The following ERC1 variants were observed in gnomAD, a reference collection of about 807,000 sequenced individuals.
ERC1 encodes the protein RAB6 interacting protein 2.
In ERC1, 56 loss-of-function variants were observed where a neutral mutation model predicts 132.0. The ratio of observed to expected loss-of-function variants is 0.42; its 90% CI spans 0.34 to 0.53. The LOEUF is 0.53. Among genes scored for constraint, ERC1 ranks in the 20% least tolerant of loss-of-function variants. The pLI is 0.03. For missense variants in ERC1, 1,202 were observed against 1,349.9 expected (o/e 0.89, Z 1.72); for synonymous variants, 478 against 476.1 (o/e 1.00, Z -0.05).
At chr12:1,384,562 T>C (rs922255805) in intron 16 of ERC1, among the ~76,000 whole-genome samples, 2 of 152,186 alleles carry the variant, frequency 1.3e-5, no homozygotes, top group African/African-American at 4.8e-5. Context: ...AAGAATCAAT[T>C]AATTTGCATA....
At chr12:1,420,449 A>T (rs561650189) in intron 17 of ERC1, among the ~76,000 whole-genome samples, 22 of 149,700 alleles carry the variant, frequency 1.5e-4, no homozygotes, top group African/African-American at 5.2e-4. Context: ...TTTTTATTTT[A>T]TTTATTTATT....
intron 17 of ERC1, among the ~76,000 whole-genome samples, chr12:1,440,364 C>T (rs1220068498): frequency 2.0e-5 from 3 of 149,758 alleles, no homozygotes; most frequent in Non-Finnish European, 3.0e-5. Context: ...GCCACCACGC[C>T]CGGCTAATTT....
intron 18 of ERC1, among the ~76,000 whole-genome samples, chr12:1,469,604 C>G (rs1353695526): frequency 6.6e-6 from 1 of 152,212 alleles, no homozygotes; most frequent in Non-Finnish European, 1.5e-5. Context: ...CCCACACTTT[C>G]TGGGGGAACT....
chr12:1,399,944 G>C (rs774290218), intron 16 of ERC1, among the ~76,000 whole-genome samples: 1 of 152,134 alleles, frequency 6.6e-6, no homozygotes, highest in Non-Finnish European at 1.5e-5. Context: ...TTGTATGTTT[G>C]CCATTTTAAG....
rs140907533 is a variant in ERC1 at position 1,293,768 on chromosome 12, A to G, written c.2780+3756A>G. On this transcript the variant is annotated intron_variant, in intron 15 of 18. Transcript: ENST00000360905. ...TCCTAGTAACAATTTAGGGGGGAAA[A>G]TAAAAATGAAAATGCATTCTGAGTT... is the stretch of plus-strand genomic sequence containing the variant. 1.9e-3 allele frequency among the ~76,000 whole-genome samples: 295 copies of G among 152,336 alleles called. 2 individuals carry two copies. Among genetic ancestry groups the G allele is most frequent in the African/African-American group, 6.9e-3 (285 of 41,574 alleles).
At chr12:1,118,371 T>C (rs1946688249) in intron 7 of ERC1, among the ~76,000 whole-genome samples, 1 of 152,220 alleles carries the variant, frequency 6.6e-6, no homozygotes, top group African/African-American at 2.4e-5. Context: ...CCTCAAATAA[T>C]ATTCTTATTA....
At chr12:1,058,791 T>TTTG (rs767389243) in intron 2 of ERC1, among the ~76,000 whole-genome samples, 3 of 149,266 alleles carry the variant, frequency 2.0e-5, no homozygotes, top group Non-Finnish European at 4.5e-5. Context: ...GAAAGTATGT[T>TTTG]TTTTTTTTTT....
At position 1,236,814 on chromosome 12, in the gene ERC1, G is replaced by A. The variant is rs752876486; in HGVS notation, c.2397G>A (p.Lys799=). ...QNKKVANLKH[K]EQVEKKKSAQ... is the part of the protein sequence containing the mutation. ...AGAAGGTAGCAAATCTGAAGCACAAGGAACAGGTGGAAAAAAAGAAGAGTG... is the reference window on the plus strand; with the variant it reads ...AGAAGGTAGCAAATCTGAAGCACAAAGAACAGGTGGAAAAAAAGAAGAGTG... The change falls in exon 13 of 19, where the codon AAG becomes AAA. Residue 799 remains lysine (K), a synonymous_variant. Coordinates refer to ENST00000360905, the MANE Select transcript of ERC1 (RefSeq NM_178040.4). 5.4e-5 allele frequency: 87 copies of A among 1,613,872 alleles called. No individual in the cohort carries two copies. The highest frequency in any genetic ancestry group is 6.7e-5 in the Non-Finnish European group (79 of 1,179,962).
chr12:1,272,582 G>A lies in ERC1; in HGVS notation c.2619+9417G>A, dbSNP rs139566287. 6.0e-4 allele frequency among the ~76,000 whole-genome samples: 92 copies of A among 152,296 alleles called. No homozygotes were observed. In the East Asian group the frequency reaches 0.015, roughly 26 times the overall value. On this transcript the variant is annotated intron_variant, in intron 14 of 18. Coordinates refer to ENST00000360905, the MANE Select transcript of ERC1 (RefSeq NM_178040.4). ...TCACCAGATTATTTATTCTCTGAGA[G>A]TCTGTCTTAGATCAATACAGGTTCT...
intron 16 of ERC1, among the ~76,000 whole-genome samples, chr12:1,384,129 A>T (rs2089038693): frequency 6.6e-6 from 1 of 152,066 alleles, no homozygotes; most frequent in Non-Finnish European, 1.5e-5. Flanking sequence ...ACCCCATCAT[A>T]CTCTGTTGTA....
In ERC1 at chr12:1,192,502, C is replaced by A. The variant is rs549908349; in HGVS notation, c.2351+2450C>A. Among the ~76,000 whole-genome samples, 16 of 152,232 alleles carry A rather than the reference C, an allele frequency of 1.1e-4. No individual in the cohort carries two copies. In the East Asian group the frequency reaches 2.9e-3, roughly 27 times the overall value. On this transcript the variant is annotated intron_variant, in intron 12 of 18. Coordinates refer to ENST00000360905, the MANE Select transcript of ERC1 (RefSeq NM_178040.4). ...TCCCTATAGTTTATCATTTGAGATT[C>A]TTCATTTTTCTTTTTGTCTTACCAT...
At chr12:1,246,495 A>C (rs2076167816) in intron 13 of ERC1, among the ~76,000 whole-genome samples, 1 of 152,252 alleles carries the variant, frequency 6.6e-6, no homozygotes, top group South Asian at 2.1e-4. Context: ...ATAGACCAAA[A>C]GAAAATCACC....
chr12:1,011,533 T>A (rs1964686928), intron 1 of ERC1, among the ~76,000 whole-genome samples: 1 of 152,202 alleles, frequency 6.6e-6, no homozygotes, highest in Non-Finnish European at 1.5e-5. Context: ...ATAAGTAGTG[T>A]TTACCTGTTT....
At chr12:1,069,013 A>C (rs1480374051) in intron 2 of ERC1, among the ~76,000 whole-genome samples, 1 of 152,212 alleles carries the variant, frequency 6.6e-6, no homozygotes, top group African/African-American at 2.4e-5. Flanking sequence ...AGGTAGATTT[A>C]TTTAATATTC....
intron 18 of ERC1, among the ~76,000 whole-genome samples, chr12:1,482,604 G>A (rs549777939): frequency 2.6e-5 from 4 of 151,972 alleles, no homozygotes; most frequent in Non-Finnish European, 2.9e-5. Context: ...CTGCCACCAC[G>A]CCCGGCTAAT....
chr12:1,181,077 T>C (rs764848252), intron 9 of ERC1, among the ~76,000 whole-genome samples: 1 of 152,146 alleles, frequency 6.6e-6, no homozygotes, highest in Non-Finnish European at 1.5e-5. Context: ...CCTCCCAAAG[T>C]GTTGGGATTA....
At chr12:1,015,059 C>T (rs1031750177) in intron 1 of ERC1, among the ~76,000 whole-genome samples, 1 of 149,150 alleles carries the variant, frequency 6.7e-6, no homozygotes, top group African/African-American at 2.5e-5. Context: ...CTACTGTGCC[C>T]TGCCTCTTTT....
intron 15 of ERC1, among the ~76,000 whole-genome samples, chr12:1,313,707 C>T (rs577597546): frequency 1.3e-4 from 19 of 151,340 alleles, no homozygotes; most frequent in Middle Eastern, 3.4e-3. Context: ...TTTTTTTGCC[C>T]GGGTACGGTG....
chr12:1,098,425 T>C (rs1256666743), intron 3 of ERC1, among the ~76,000 whole-genome samples: 15 of 152,220 alleles, frequency 9.9e-5, no homozygotes, highest in Admixed American at 6.5e-4. Context: ...CTAGAGGCTG[T>C]TGCAAACTAG....
Sources: gnomAD v4.1 joint callset for allele counts (sites outside exome capture counted in the v4.1 genomes callset) on GRCh38, gnomAD v4.1.1 for gene constraint, MANE v1.5 for transcripts, NCBI Gene and HGNC (gene_info 2026-07-23, HGNC 2026-07-21) for gene names.